Variants in FGF12 observed in about 807,000 individuals in gnomAD.
FGF12 encodes the protein fibroblast growth factor 12B.
FGF12 carries 14 observed loss-of-function variants against 23.6 expected under a neutral mutation model. The ratio of observed to expected loss-of-function variants is 0.59; its 90% CI spans 0.39 to 0.93. FGF12 has a LOEUF of 0.93. Ranked by LOEUF, FGF12 falls within the 40% of genes least tolerant of loss-of-function variation. The probability of loss-of-function intolerance (pLI) is 0.00; values close to 1 mark genes in which losing one functional copy is unlikely to be tolerated. For missense variants in FGF12, 175 were observed against 217.8 expected, an observed-to-expected ratio of 0.80 and a Z score of 1.24; for synonymous variants, 62 against 77.3, an observed-to-expected ratio of 0.80 and a Z score of 1.04.
intron 4 of FGF12, among the ~76,000 whole-genome samples, chr3:192,256,489 TTTAAG>T (rs1712402674): frequency 6.6e-6 from 1 of 151,652 alleles, no homozygotes; most frequent in Non-Finnish European, 1.5e-5. Flanking sequence ...ATTTATATAT[TTTAAG>T]TAAAATATGC....
At chr3:192,698,115 G>T (rs1279943558) in intron 2 of FGF12, among the ~76,000 whole-genome samples, 3 of 151,884 alleles carry the variant, frequency 2.0e-5, no homozygotes, top group African/African-American at 7.3e-5. Context: ...TTTGTTCACT[G>T]CTCTATATAA....
chr3:192,147,048 GC>G (rs1210776181), intron 5 of FGF12, among the ~76,000 whole-genome samples: 1 of 152,082 alleles, frequency 6.6e-6, no homozygotes, highest in Non-Finnish European at 1.5e-5. Context: ...GATGAAAACT[GC>G]CCCCCTCCTC....
intron 2 of FGF12, among the ~76,000 whole-genome samples, chr3:192,587,474 T>C (rs1181417454): frequency 6.6e-6 from 1 of 151,884 alleles, no homozygotes; most frequent in Non-Finnish European, 1.5e-5. Context: ...CAGCCTTATG[T>C]TTACATATAA....
In FGF12 at chr3:192,144,149, A is replaced by T. The variant is rs762062680; in HGVS notation, c.428-22T>A. On this transcript the variant is annotated intron_variant, in intron 5 of 5. Coordinates refer to ENST00000445105, the MANE Select transcript of FGF12 (RefSeq NM_004113.6). The stretch of plus-strand genomic sequence containing the variant: ...CACACTGAAAGGCAAAATAACAAAA[A>T]TTACTTATGACAGTGGACATAAATT... The T allele has an allele frequency of 6.3e-6, 9 of 1,429,844 alleles. No homozygotes were observed. The South Asian group carries it at 1.1e-4, about 17-fold the overall frequency. 88.6% of individuals were successfully genotyped at this position (1,429,844 alleles called of 1,614,324 possible).
chr3:192,306,543 A>G (rs1299433650), intron 4 of FGF12, among the ~76,000 whole-genome samples: 1 of 152,192 alleles, frequency 6.6e-6, no homozygotes, highest in African/African-American at 2.4e-5. Context: ...GCTTGAGTCC[A>G]GGAGTTCAAA....
At chr3:192,449,554 T>A (rs916613762) in intron 2 of FGF12, among the ~76,000 whole-genome samples, 2 of 152,172 alleles carry the variant, frequency 1.3e-5, no homozygotes, top group African/African-American at 4.8e-5. Context: ...TGGACCCCTC[T>A]AGAATGCAGT....
intron 5 of FGF12, among the ~76,000 whole-genome samples, chr3:192,158,652 C>A (rs1714678589): frequency 4.2e-5 from 2 of 48,072 alleles, no homozygotes; most frequent in Non-Finnish European, 1.1e-4. Flanking sequence ...TCCCTCCCTC[C>A]CTCCCTTCCT....
intron 2 of FGF12, among the ~76,000 whole-genome samples, chr3:192,395,425 G>C (rs1489261700): frequency 6.6e-6 from 1 of 152,140 alleles, no homozygotes; most frequent in Non-Finnish European, 1.5e-5. Flanking sequence ...ATCAAATGAA[G>C]AGATATTTGT....
intron 4 of FGF12, among the ~76,000 whole-genome samples, chr3:192,207,550 G>A (rs1717717655): frequency 6.6e-6 from 1 of 152,218 alleles, no homozygotes; most frequent in South Asian, 2.1e-4. Context: ...TATTTGGAGA[G>A]TGGGGAGAAG....
intron 4 of FGF12, among the ~76,000 whole-genome samples, chr3:192,256,105 C>T (rs1712369032): frequency 6.6e-6 from 1 of 152,038 alleles, no homozygotes; most frequent in African/African-American, 2.4e-5. Flanking sequence ...GCTGGTTGGT[C>T]CTTGTCCTGT....
At chr3:192,277,300 G>A (rs1361557736) in intron 4 of FGF12, among the ~76,000 whole-genome samples, 1 of 151,426 alleles carries the variant, frequency 6.6e-6, no homozygotes, top group Non-Finnish European at 1.5e-5. Flanking sequence ...GAAGAGAGAA[G>A]CCAGAAGTTG....
intron 2 of FGF12, among the ~76,000 whole-genome samples, chr3:192,574,436 T>C (rs182754662): frequency 1.7e-3 from 264 of 152,324 alleles, no homozygotes; most frequent in African/African-American, 6.2e-3. Context: ...CCCTTTACCA[T>C]ATAAACTTTT....
intron 2 of FGF12, among the ~76,000 whole-genome samples, chr3:192,479,126 G>A (rs80188440): frequency 6.6e-6 from 1 of 152,280 alleles, no homozygotes; most frequent in Non-Finnish European, 1.5e-5. Flanking sequence ...TCTGGATACA[G>A]GAAATATATT....
chr3:192,290,012 G>A (rs963221884), intron 4 of FGF12, among the ~76,000 whole-genome samples: 1 of 152,128 alleles, frequency 6.6e-6, no homozygotes, highest in African/African-American at 2.4e-5. Flanking sequence ...TTGCATGGGA[G>A]CTTGGAGTTA....
At chr3:192,343,148 T>C (rs1289833844) in intron 3 of FGF12, among the ~76,000 whole-genome samples, 1 of 152,164 alleles carries the variant, frequency 6.6e-6, no homozygotes, top group Non-Finnish European at 1.5e-5. Context: ...AAGAGTACAG[T>C]TGTATTTAGA....
intron 4 of FGF12, among the ~76,000 whole-genome samples, chr3:192,239,355 A>C (rs1284193649): frequency 6.6e-6 from 1 of 152,244 alleles, no homozygotes; most frequent in African/African-American, 2.4e-5. Flanking sequence ...AGTAGGAACA[A>C]ATCCCTGATC....
chr3:192,428,649 A>T (rs1252543576), intron 2 of FGF12, among the ~76,000 whole-genome samples: 1 of 152,200 alleles, frequency 6.6e-6, no homozygotes, highest in Admixed American at 6.5e-5. Flanking sequence ...ATCTGGGCAT[A>T]ATCCCGTACT....
chr3:192,575,928 A>C (rs1214260808), intron 2 of FGF12, among the ~76,000 whole-genome samples: 1 of 152,172 alleles, frequency 6.6e-6, no homozygotes, highest in East Asian at 1.9e-4. Flanking sequence ...AAATATGAAA[A>C]AGGTACTTGA....
intron 2 of FGF12, among the ~76,000 whole-genome samples, chr3:192,460,580 C>T (rs1022942917): frequency 6.6e-6 from 1 of 151,698 alleles, no homozygotes; most frequent in Non-Finnish European, 1.5e-5. Flanking sequence ...AGACGCTTTC[C>T]GAATCTCCCC....
Sources: allele counts gnomAD v4.1 joint callset (sites outside exome capture counted in the v4.1 genomes callset), GRCh38; gene constraint gnomAD v4.1.1; transcripts MANE v1.5; gene names NCBI Gene and HGNC (gene_info 2026-07-23, HGNC 2026-07-21).